The following RIT2 variants were observed in gnomAD, a reference collection of about 807,000 sequenced individuals.
RIT2 encodes Ras like without CAAX 2.
A neutral mutation model predicts 23.7 loss-of-function variants in RIT2; 24 were observed. The ratio of observed to expected loss-of-function variants is 1.01; its 90% confidence interval spans 0.73 to 1.43. RIT2 has a LOEUF of 1.43. Ranked by LOEUF, RIT2 falls within the 40% of genes most tolerant of loss-of-function variation. The pLI is 0.00. For synonymous variants in RIT2, 107 were observed against 91.1 expected (o/e 1.17, Z -0.99); for missense variants, 236 against 266.9 (o/e 0.88, Z 0.81).
chr18:43,039,871 G>A (rs1446968126), intron 1 of RIT2, among the ~76,000 whole-genome samples: 1 of 152,174 alleles, frequency 6.6e-6, no homozygotes, highest in Non-Finnish European at 1.5e-5. Context: ...TTCAAAACTT[G>A]ATGCTGAAAA....
chr18:43,018,519 G>T (rs1568057253), intron 2 of RIT2, among the ~76,000 whole-genome samples: 1 of 151,882 alleles, frequency 6.6e-6, no homozygotes, highest in Non-Finnish European at 1.5e-5. Context: ...TCATAAAACA[G>T]CAAGAGAAAA....
intron 2 of RIT2, among the ~76,000 whole-genome samples, chr18:42,995,316 A>G (rs1910954371): frequency 6.6e-6 from 1 of 151,244 alleles, no homozygotes; most frequent in South Asian, 2.1e-4. Flanking sequence ...ATTTGCCCCC[A>G]CCCAGGACTG....
chr18:42,927,378 G>A (rs1051068591), intron 3 of RIT2, among the ~76,000 whole-genome samples: 1 of 61,898 alleles, frequency 1.6e-5, no homozygotes, highest in Non-Finnish European at 7.4e-5. Context: ...TGGTGTGTGT[G>A]TGTGTGTGTG....
At chr18:43,057,099 G>A (rs936919159) in intron 1 of RIT2, among the ~76,000 whole-genome samples, 1 of 151,844 alleles carries the variant, frequency 6.6e-6, no homozygotes, top group African/African-American at 2.4e-5. Context: ...AGTGGAGACT[G>A]TTTGTAGATA....
At chr18:42,910,520 G>A (rs762658068) in intron 4 of RIT2, among the ~76,000 whole-genome samples, 2 of 152,006 alleles carry the variant, frequency 1.3e-5, no homozygotes, top group South Asian at 2.1e-4. Flanking sequence ...ACAACACCCC[G>A]CTAATGTGTA....
At chr18:43,037,181 CA>C (rs1912002396) in intron 1 of RIT2, among the ~76,000 whole-genome samples, 1 of 152,082 alleles carries the variant, frequency 6.6e-6, no homozygotes, top group Admixed American at 6.5e-5. Context: ...CACAAGAACA[CA>C]ATATTGAGAA....
chr18:42,946,262 A>C (rs1909724730), intron 3 of RIT2, among the ~76,000 whole-genome samples: 1 of 152,116 alleles, frequency 6.6e-6, no homozygotes, highest in Admixed American at 6.6e-5. Flanking sequence ...GCTGAACCTC[A>C]AAATTTGCAT....
intron 4 of RIT2, among the ~76,000 whole-genome samples, chr18:42,760,776 G>A (rs994585620): frequency 1.3e-5 from 2 of 152,168 alleles, no homozygotes; most frequent in African/African-American, 4.8e-5. Context: ...ACTAAATGCA[G>A]TGATATAGGG....
At chr18:43,083,235 C>T (rs917126773) in intron 1 of RIT2, among the ~76,000 whole-genome samples, 2 of 152,030 alleles carry the variant, frequency 1.3e-5, no homozygotes, top group African/African-American at 4.8e-5. Flanking sequence ...AGAGAGGACA[C>T]AAACAAATGG....
At chr18:42,743,861 C>T in intron 4 of RIT2, 141 bp from the exon 5 acceptor site, 1 of 628,900 alleles carries the variant, frequency 1.6e-6, no homozygotes, top group Non-Finnish European at 2.7e-6. Flanking sequence ...AGGTATACGC[C>T]CAGATGGCCT....
intron 4 of RIT2, among the ~76,000 whole-genome samples, chr18:42,794,273 T>C (rs983050727): frequency 1.3e-5 from 2 of 152,170 alleles, no homozygotes; most frequent in Non-Finnish European, 2.9e-5. Context: ...TGTAGCAATG[T>C]TGTAGCCATG....
At chr18:42,765,296 G>A (rs1315758102) in intron 4 of RIT2, among the ~76,000 whole-genome samples, 1 of 152,152 alleles carries the variant, frequency 6.6e-6, no homozygotes, top group East Asian at 1.9e-4. Flanking sequence ...TCAATTCATG[G>A]ACAATTTAAG....
At chr18:42,802,567 T>C (rs1905569734) in intron 4 of RIT2, among the ~76,000 whole-genome samples, 1 of 152,136 alleles carries the variant, frequency 6.6e-6, no homozygotes, top group South Asian at 2.1e-4. Context: ...AGATAAAAAA[T>C]GAAAAACTTT....
Position 42,872,984 on chromosome 18 carries a change from T to C in RIT2, c.426+50588A>G, listed in dbSNP as rs142273630. Among the ~76,000 whole-genome samples the C allele has an allele frequency of 5.8e-3, 876 of 152,280 alleles. 8 individuals carry two copies. Among genetic ancestry groups the C allele is most frequent in the African/African-American group, 0.02 (811 of 41,556 alleles). On this transcript the variant is annotated intron_variant, in intron 4 of 4. Coordinates refer to ENST00000326695, the MANE Select transcript of RIT2 (RefSeq NM_002930.4). ...AGATGTGAGTATCGCCATGGCTCTC[T>C]TAAAAATTTACAGTATCTCATGATC...
At chr18:43,004,633 C>T (rs1598745234) in intron 2 of RIT2, among the ~76,000 whole-genome samples, 1 of 151,746 alleles carries the variant, frequency 6.6e-6, no homozygotes, top group East Asian at 2.0e-4. Context: ...CTAATCTTTT[C>T]TCTGGAATGA....
intron 4 of RIT2, among the ~76,000 whole-genome samples, chr18:42,901,318 C>A (rs193031697): frequency 6.6e-6 from 1 of 151,864 alleles, no homozygotes; most frequent in African/African-American, 2.4e-5. Flanking sequence ...ACTGAACTAG[C>A]GATGATTTTA....
chr18:43,074,111 T>G (rs1006397190), intron 1 of RIT2, among the ~76,000 whole-genome samples: 1 of 152,158 alleles, frequency 6.6e-6, no homozygotes, highest in African/African-American at 2.4e-5. Flanking sequence ...CAATTACAGA[T>G]AGTAACTTTA....
chr18:42,987,889 C>T (rs1882678158), intron 2 of RIT2, among the ~76,000 whole-genome samples: 1 of 152,072 alleles, frequency 6.6e-6, no homozygotes, highest in Non-Finnish European at 1.5e-5. Context: ...CTCTTTTCAG[C>T]AAGAGCCTTG....
At chr18:42,752,962 C>G (rs922506826) in intron 4 of RIT2, among the ~76,000 whole-genome samples, 1 of 152,094 alleles carries the variant, frequency 6.6e-6, no homozygotes, top group African/African-American at 2.4e-5. Flanking sequence ...TTCAATAACC[C>G]AGGGGTGCCA....
Sources: allele counts gnomAD v4.1 joint callset (sites outside exome capture counted in the v4.1 genomes callset), GRCh38; gene constraint gnomAD v4.1.1; transcripts MANE v1.5; gene names NCBI Gene and HGNC (gene_info 2026-07-23, HGNC 2026-07-21).